RBFOX1: variants seen among roughly 807,000 people sequenced by gnomAD.
The protein encoded by RBFOX1 is RNA binding fox-1 homolog 1.
A neutral mutation model predicts 57.7 loss-of-function variants in RBFOX1; 8 were observed. The ratio of observed to expected loss-of-function variants is 0.14; its 90% CI spans 0.08 to 0.25. RBFOX1 has a LOEUF of 0.25. Ranked by LOEUF, RBFOX1 falls within the 10% of genes least tolerant of loss-of-function variation. The pLI, the probability that RBFOX1 is intolerant of heterozygous loss-of-function variation, is 1.00. For synonymous variants in RBFOX1, 326 were observed against 222.4 expected (o/e 1.47, Z -4.15); for missense variants, 611 against 548.5 (o/e 1.11, Z -1.14).
chr16:7,375,210 C>T (rs917877145), intron 4 of RBFOX1, among the ~76,000 whole-genome samples: 7 of 152,198 alleles, frequency 4.6e-5, no homozygotes, highest in Admixed American at 1.3e-4. Context: ...CAGAGAAGTA[C>T]ATCGTTTCAG....
chr16:5,817,072 C>T (rs73512592), intron 3 of RBFOX1, among the ~76,000 whole-genome samples: 4,700 of 152,186 alleles, frequency 0.031, 200 homozygotes, highest in African/African-American at 0.099. Context: ...TCAGACATAT[C>T]CCATTTTGGG....
intron 4 of RBFOX1, among the ~76,000 whole-genome samples, chr16:7,472,906 CAATATT>C (rs2061829303): frequency 6.6e-6 from 1 of 152,106 alleles, no homozygotes; most frequent in Admixed American, 6.5e-5. Flanking sequence ...AGAGCAAACG[CAATATT>C]AATATCACAG....
chr16:6,594,919 G>A (rs1238549223), intron 2 of RBFOX1, among the ~76,000 whole-genome samples: 1 of 152,106 alleles, frequency 6.6e-6, no homozygotes, highest in African/African-American at 2.4e-5. Context: ...GTCTGGAGTA[G>A]CTGGGACTAC....
At chr16:7,130,601 A>G (rs1232310564) in intron 4 of RBFOX1, among the ~76,000 whole-genome samples, 1 of 152,132 alleles carries the variant, frequency 6.6e-6, no homozygotes, top group Non-Finnish European at 1.5e-5. Flanking sequence ...GTTGATAAGC[A>G]TATGTAGGGT....
At chr16:6,938,883 G>C (rs1451378118) in intron 3 of RBFOX1, among the ~76,000 whole-genome samples, 1 of 152,258 alleles carries the variant, frequency 6.6e-6, no homozygotes, top group Non-Finnish European at 1.5e-5. Flanking sequence ...AGTGAGCCGA[G>C]ATTGCACCAC....
intron 3 of RBFOX1, among the ~76,000 whole-genome samples, chr16:5,858,796 C>G (rs747860289): frequency 6.6e-6 from 1 of 152,182 alleles, no homozygotes; most frequent in Non-Finnish European, 1.5e-5. Context: ...TGAATGGGCT[C>G]TTTCCTTTTT....
chr16:6,784,288 G>C (rs796240180), intron 3 of RBFOX1, among the ~76,000 whole-genome samples: 1 of 151,856 alleles, frequency 6.6e-6, no homozygotes, highest in Non-Finnish European at 1.5e-5. Context: ...AATATTACAG[G>C]CATCTTTTGT....
intron 3 of RBFOX1, among the ~76,000 whole-genome samples, chr16:6,859,169 A>ATGTATACG (rs1555536996): frequency 1.4e-5 from 1 of 72,376 alleles, no homozygotes; most frequent in African/African-American, 7.1e-5. Flanking sequence ...ATATACGTAT[A>ATGTATACG]TATATGTATA....
chr16:7,110,258 G>A (rs369259410), intron 4 of RBFOX1, among the ~76,000 whole-genome samples: 5 of 152,052 alleles, frequency 3.3e-5, no homozygotes, highest in East Asian at 1.9e-4. Flanking sequence ...TTCTCGGGGA[G>A]GCTGAGGCAG....
intron 1 of RBFOX1, among the ~76,000 whole-genome samples, chr16:6,094,490 C>G (rs910387243): frequency 2.6e-5 from 4 of 152,120 alleles, no homozygotes; most frequent in Non-Finnish European, 4.4e-5. Context: ...GACATGCTCA[C>G]TAGACATTAG....
chr16:7,107,828 C>T (rs1012730527), intron 4 of RBFOX1, among the ~76,000 whole-genome samples: 6 of 152,120 alleles, frequency 3.9e-5, no homozygotes, highest in Non-Finnish European at 7.3e-5. Context: ...GGATCTTAAA[C>T]ATCTCTAACA....
chr16:7,294,524 G>GAA (rs35719031), intron 4 of RBFOX1, among the ~76,000 whole-genome samples: 2 of 123,872 alleles, frequency 1.6e-5, no homozygotes, highest in Admixed American at 8.3e-5. Context: ...GTGTTGGCAA[G>GAA]AAAAAAAAAA....
At chr16:5,523,042 C>G (rs9921113) in intron 2 of RBFOX1, among the ~76,000 whole-genome samples, 65,346 of 152,024 alleles carry the variant, frequency 0.43, 15,762 homozygotes, top group East Asian at 0.96. Flanking sequence ...AATACCAGTA[C>G]TTTGGGAGGC....
In RBFOX1 at chr16:5,617,346, G is replaced by C. The variant is rs150366759; in HGVS notation, c.318+18385G>C. On this transcript the variant is annotated intron_variant, in intron 3 of 19. Coordinates refer to the RBFOX1 transcript ENST00000641259. Reference sequence around the variant, plus strand: ...ACTTATTCCTGCTACCCATGGTCCTGAGGTCTTCACGAGTTTTCTGGCTCA... The same window carrying C: ...ACTTATTCCTGCTACCCATGGTCCTCAGGTCTTCACGAGTTTTCTGGCTCA... Among the ~76,000 whole-genome samples, 678 of 152,262 alleles carry C rather than the reference G, an allele frequency of 4.5e-3. 3 individuals carry two copies. The highest frequency in any genetic ancestry group is 0.016 in the African/African-American group (647 of 41,534).
At chr16:6,255,488 A>C (rs927811708) in intron 1 of RBFOX1, among the ~76,000 whole-genome samples, 11 of 152,268 alleles carry the variant, frequency 7.2e-5, no homozygotes, top group Non-Finnish European at 1.2e-4. Context: ...AGATGAGTGC[A>C]TGCATGGTGA....
intron 1 of RBFOX1, among the ~76,000 whole-genome samples, chr16:6,062,623 T>TA (rs1300606204): frequency 7.5e-5 from 11 of 147,026 alleles, no homozygotes; most frequent in African/African-American, 2.5e-4. Context: ...TATATAAATA[T>TA]ATATAACATA....
chr16:5,923,305 T>A (rs1597807130), intron 4 of RBFOX1, among the ~76,000 whole-genome samples: 1 of 151,920 alleles, frequency 6.6e-6, no homozygotes, highest in Non-Finnish European at 1.5e-5. Flanking sequence ...TGATTGGGGA[T>A]GGGGATGGTG....
chr16:6,230,322 ATGT>A (rs1357952360), intron 1 of RBFOX1, among the ~76,000 whole-genome samples: 1 of 152,134 alleles, frequency 6.6e-6, no homozygotes, highest in Non-Finnish European at 1.5e-5. Flanking sequence ...AATTATAACA[ATGT>A]TGTTATAATT....
chr16:5,928,128 C>G (rs896674937), intron 4 of RBFOX1, among the ~76,000 whole-genome samples: 3 of 151,996 alleles, frequency 2.0e-5, no homozygotes, highest in African/African-American at 7.3e-5. Context: ...GGGTATTGCT[C>G]TGTCACCCAG....
Sources: allele counts gnomAD v4.1 joint callset (sites outside exome capture counted in the v4.1 genomes callset), GRCh38; gene constraint gnomAD v4.1.1; transcripts MANE v1.5; gene names NCBI Gene and HGNC (gene_info 2026-07-23, HGNC 2026-07-21).